The following DCTD variants were observed in gnomAD, a reference collection of about 807,000 sequenced individuals.
DCTD encodes the protein deoxycytidylate deaminase.
DCTD carries 23 observed loss-of-function variants against 21.0 expected under a neutral mutation model. That is an observed-to-expected ratio of 1.09 (90% CI 0.79 to 1.55). The LOEUF is 1.55. DCTD is among the 40% of genes most tolerant of loss of function. The pLI is 0.00. For missense variants in DCTD, 224 were observed against 230.0 expected, an observed-to-expected ratio of 0.97 and a Z score of 0.17; for synonymous variants, 71 against 81.1, an observed-to-expected ratio of 0.88 and a Z score of 0.67.
chr4:182,905,740 G>A (rs751260975), intron 3 of DCTD, among the ~76,000 whole-genome samples: 3 of 152,228 alleles, frequency 2.0e-5, no homozygotes, highest in South Asian at 2.1e-4. Context: ...CACCCAGGTC[G>A]CTGGCACTGA....
Position 182,893,030 on chromosome 4 carries a change from C to A in DCTD, c.458+1G>T. On this transcript the variant is annotated splice_donor_variant, in intron 5 of 5. Coordinates refer to ENST00000438320, the MANE Select transcript of DCTD (RefSeq NM_001921.3). LOFTEE classifies it high-confidence loss of function. ...CCCCCGCCCGCATTCTCCCCACTTA[C>A]CGGAATGTCACCCCGGCCATATTAA... is the stretch of plus-strand genomic sequence containing the variant. 6.3e-7 allele frequency: 1 copy of A among 1,594,988 alleles called. No homozygotes were observed. The highest frequency in any genetic ancestry group is 8.6e-7 in the Non-Finnish European group (1 of 1,163,352).
Position 182,890,162 on chromosome 4 carries a change from A to T in DCTD, c.*1237T>A. 6.6e-6 allele frequency: 1 copy of T among 152,214 alleles called. No individual in the cohort carries two copies. The highest frequency in any genetic ancestry group is 2.1e-4 in the South Asian group (1 of 4,828). The allele number at this position is 152,214 out of a possible 1,614,324, so 9.4% of individuals were successfully genotyped here. A position where few individuals can be genotyped will look rare whatever the true frequency, so the allele number is the denominator to read the frequency against. On this transcript the variant is annotated 3_prime_UTR_variant, in exon 6 of 6. Coordinates refer to ENST00000438320, the MANE Select transcript of DCTD (RefSeq NM_001921.3). ...GGAGCCAAATTACAGAATACCCTAGAATGTGGAATACAAAATCTCAGAGAC... is the reference window on the plus strand; with the variant it reads ...GGAGCCAAATTACAGAATACCCTAGTATGTGGAATACAAAATCTCAGAGAC...
At chr4:182,895,793 C>T (rs1734631305) in intron 3 of DCTD, among the ~76,000 whole-genome samples, 1 of 152,228 alleles carries the variant, frequency 6.6e-6, no homozygotes. Flanking sequence ...TTAGGCGCTT[C>T]CAAAATACAG....
chr4:182,917,434 G>A (rs1365156089), upstream of DCTD: 5 of 950,258 alleles, frequency 5.3e-6, no homozygotes, highest in Non-Finnish European at 6.4e-6. The surrounding 1 kb of genome is among the most constrained non-coding windows in gnomAD (Gnocchi z 4.9). Flanking sequence ...CCCGGGCGCC[G>A]CGCGTTCGCA....
intron 3 of DCTD, among the ~76,000 whole-genome samples, chr4:182,907,804 G>A (rs1736984669): frequency 6.6e-6 from 1 of 152,064 alleles, no homozygotes; most frequent in South Asian, 2.1e-4. Flanking sequence ...TAAGAGAACT[G>A]GAAGAATCTT....
intron 1 of DCTD, 182 bp from the exon 2 acceptor site, chr4:182,915,757 A>G: frequency 1.2e-6 from 1 of 806,672 alleles, no homozygotes; most frequent in East Asian, 3.0e-5. Flanking sequence ...TAAAAACTTA[A>G]GAAATTTCCT....
At position 182,915,039 on chromosome 4, in the gene DCTD, T is replaced by TTCACGATGCAGGCGCCG; in HGVS notation, c.111_127dup (p.Asn43ThrfsTer6). 2 of 1,614,224 alleles carry TTCACGATGCAGGCGCCG rather than the reference T, an allele frequency of 1.2e-6. No homozygotes were observed. The highest frequency in any genetic ancestry group is 1.7e-6 in the Non-Finnish European group (2 of 1,180,032). On this transcript the variant is annotated stop_gained and frameshift_variant, in exon 3 of 6. Transcript: ENST00000438320. LOFTEE classifies it high-confidence loss of function. The stretch of plus-strand genomic sequence containing the variant: ...AATCCCGACAATCTTGTTTTCTGAA[T>TTCACGATGCAGGCGCCG]TCACGATGCAGGCGCCGACCTAGAA...
intron 3 of DCTD, among the ~76,000 whole-genome samples, chr4:182,912,916 C>T (rs991615941): frequency 6.6e-6 from 1 of 152,252 alleles, no homozygotes; most frequent in Non-Finnish European, 1.5e-5. Flanking sequence ...TTGAGTATGA[C>T]GGACCGCCAT....
At position 182,917,328 on chromosome 4, in the gene DCTD, G is replaced by A. The variant is rs1738918979; in HGVS notation, c.-25C>T. ...CCGCCCACCATCCGGTGCCGGCTCCGCGCGCAGGCCGGTGCTCGTCCCCGC... is the reference window on the plus strand; with the variant it reads ...CCGCCCACCATCCGGTGCCGGCTCCACGCGCAGGCCGGTGCTCGTCCCCGC... On this transcript the variant is annotated 5_prime_UTR_variant, in exon 1 of 6. Transcript: ENST00000438320. The surrounding 1 kb of genome is among the most constrained non-coding windows in gnomAD (Gnocchi z 4.9). 9.1e-7 allele frequency: 1 copy of A among 1,093,098 alleles called. No individual in the cohort carries two copies. The highest frequency in any genetic ancestry group is 1.7e-5 in the African/African-American group (1 of 59,768). 67.7% of individuals were successfully genotyped at this position (1,093,098 alleles called of 1,614,324 possible).
chr4:182,903,596 C>G (rs1373411515), intron 3 of DCTD, among the ~76,000 whole-genome samples: 1 of 152,160 alleles, frequency 6.6e-6, no homozygotes, highest in Non-Finnish European at 1.5e-5. Flanking sequence ...GGAATTCTAC[C>G]AAGGTCTGGG....
chr4:182,901,304 T>C (rs1024793603), intron 3 of DCTD, among the ~76,000 whole-genome samples: 2 of 152,164 alleles, frequency 1.3e-5, no homozygotes, highest in Non-Finnish European at 2.9e-5. Flanking sequence ...CTGAGAAAAT[T>C]TGGAGTCAGG....
intron 5 of DCTD, among the ~76,000 whole-genome samples, chr4:182,892,577 CAG>C (rs1733978364): frequency 2.0e-5 from 3 of 151,788 alleles, no homozygotes; most frequent in Non-Finnish European, 4.4e-5. Flanking sequence ...TGCAGTGAGC[CAG>C]GATCGCACCA....
chr4:182,911,319 T>G (rs1250986272), intron 3 of DCTD: 4 of 152,100 alleles, frequency 2.6e-5, no homozygotes, highest in Admixed American at 6.6e-5. Flanking sequence ...ATCAGCACAT[T>G]GGAATTAGGG....
Position 182,914,987 on chromosome 4 carries a change from G to A in DCTD, c.180C>T (p.Cys60=). ...GIGYNGMPNG[C]SDDVLPWRRT... is the part of the protein sequence containing the mutation. Reference sequence around the variant, plus strand: ...TTCTCCAAGGCAACACGTCATCACTGCACCCATTTGGCATCCCATTGTACC... The same window carrying A: ...TTCTCCAAGGCAACACGTCATCACTACACCCATTTGGCATCCCATTGTACC... The change falls in exon 3 of 6, where the codon TGC becomes TGT. Residue 60 remains cysteine, a synonymous_variant. Transcript: ENST00000438320. 1 of 1,614,164 alleles carries A rather than the reference G, an allele frequency of 6.2e-7. No individual in the cohort carries two copies. The highest frequency in any genetic ancestry group is 8.5e-7 in the Non-Finnish European group (1 of 1,180,014).
intron 3 of DCTD, among the ~76,000 whole-genome samples, chr4:182,903,925 C>A (rs1455845141): frequency 6.6e-6 from 1 of 152,214 alleles, no homozygotes; most frequent in African/African-American, 2.4e-5. Context: ...GAAAGACTAA[C>A]ATCTGTCAAG....
At chr4:182,894,131 C>T (rs1734296946) in intron 4 of DCTD, among the ~76,000 whole-genome samples, 1 of 152,172 alleles carries the variant, frequency 6.6e-6, no homozygotes, top group Non-Finnish European at 1.5e-5. Context: ...TACAGACTCC[C>T]AGCTGACCTT....
At chr4:182,892,965 G>T in intron 5 of DCTD, 66 bp downstream of exon 5, 2 of 965,726 alleles carry the variant, frequency 2.1e-6, no homozygotes, top group Non-Finnish European at 3.3e-6. Context: ...AGGAGACAAG[G>T]TCAAATACAT....
intron 3 of DCTD, among the ~76,000 whole-genome samples, chr4:182,909,049 C>T (rs1737233104): frequency 6.6e-6 from 1 of 152,200 alleles, no homozygotes; most frequent in Non-Finnish European, 1.5e-5. Context: ...CTTTTCCTAA[C>T]ATGTGTGCTC....
At chr4:182,896,669 C>T (rs143246274) in intron 3 of DCTD, among the ~76,000 whole-genome samples, 3,154 of 152,264 alleles carry the variant, frequency 0.021, 56 homozygotes, top group Non-Finnish European at 0.034. Flanking sequence ...GAGGGGCTCC[C>T]GTGACCTCTT....
Sources: gnomAD v4.1 joint callset for allele counts (sites outside exome capture counted in the v4.1 genomes callset) on GRCh38, gnomAD v4.1.1 for gene constraint, Gnocchi (gnomAD v3.1) non-coding constraint, MANE v1.5 for transcripts, NCBI Gene and HGNC (gene_info 2026-07-23, HGNC 2026-07-21) for gene names.